Variants in MALRD1 observed in about 807,000 individuals in gnomAD.
MALRD1 encodes the protein MAM and LDL-receptor class A domain-containing protein 1.
In MALRD1, 247 loss-of-function variants were observed where a neutral mutation model predicts 242.1. The observed-to-expected ratio is 1.02, with a 90% CI of 0.92 to 1.13. The LOEUF (loss-of-function observed/expected upper bound fraction) is 1.13, where lower values mean the gene tolerates loss of function less well. MALRD1 is among the 50% of genes most tolerant of loss of function. MALRD1 has a pLI of 0.00. For missense variants in MALRD1, 2,989 were observed against 2,533.1 expected (o/e 1.18, Z -3.86); for synonymous variants, 995 against 866.6 (o/e 1.15, Z -2.60).
intron 12 of MALRD1, among the ~76,000 whole-genome samples, chr10:19,158,157 A>T (rs142629675): frequency 6.6e-6 from 1 of 152,336 alleles, no homozygotes; most frequent in East Asian, 1.9e-4. Context: ...TAAAGTATGA[A>T]GGGGATTAAT....
intron 18 of MALRD1, among the ~76,000 whole-genome samples, chr10:19,246,567 T>C (rs759194384): frequency 5.9e-5 from 9 of 152,132 alleles, no homozygotes; most frequent in Admixed American, 1.3e-4. Context: ...AAACTCATCC[T>C]CTTAAATAGG....
At chr10:19,471,363 A>G (rs560953593) in intron 29 of MALRD1, among the ~76,000 whole-genome samples, 6 of 151,986 alleles carry the variant, frequency 3.9e-5, no homozygotes, top group Middle Eastern at 3.4e-3. Flanking sequence ...AAATCAGGAA[A>G]TATGATGCCT....
intron 32 of MALRD1, among the ~76,000 whole-genome samples, chr10:19,557,444 T>C (rs1296367914): frequency 6.6e-6 from 1 of 152,132 alleles, no homozygotes; most frequent in Non-Finnish European, 1.5e-5. Flanking sequence ...ATGAATAATT[T>C]TGAGTTAATT....
chr10:19,453,709 C>T (rs1034746173), intron 29 of MALRD1, among the ~76,000 whole-genome samples: 1 of 151,798 alleles, frequency 6.6e-6, no homozygotes, highest in Non-Finnish European at 1.5e-5. Context: ...AACTCCAACT[C>T]TACTAAAAAT....
chr10:19,124,686 A>G lies in MALRD1; in HGVS notation c.943+16A>G. On this transcript the variant is annotated intron_variant, in intron 7 of 39. Coordinates refer to ENST00000454679, the MANE Select transcript of MALRD1 (RefSeq NM_001142308.3). ...GATGATGAAGGTAGAAAAAAAAATA[A>G]TATCTTTTATGTATTACTTTCAGAA... is the stretch of plus-strand genomic sequence containing the variant. 1 of 1,233,270 alleles carries G rather than the reference A, an allele frequency of 8.1e-7. No homozygotes were observed. Among genetic ancestry groups the G allele is most frequent in the Non-Finnish European group, 1.0e-6 (1 of 987,892 alleles). 76.4% of individuals were successfully genotyped at this position (1,233,270 alleles called of 1,614,324 possible).
intron 19 of MALRD1, among the ~76,000 whole-genome samples, chr10:19,270,416 C>T (rs1002907185): frequency 6.7e-6 from 1 of 149,028 alleles, no homozygotes; most frequent in African/African-American, 2.5e-5. Context: ...ACCAGATGAC[C>T]TAAAAACTGT....
chr10:19,538,851 G>A (rs1314937683), intron 32 of MALRD1, among the ~76,000 whole-genome samples: 3 of 151,886 alleles, frequency 2.0e-5, no homozygotes, highest in Non-Finnish European at 4.4e-5. Context: ...ATATATATGG[G>A]ATTCCGGAAA....
intron 14 of MALRD1, among the ~76,000 whole-genome samples, chr10:19,182,504 A>T (rs1374870616): frequency 6.8e-6 from 1 of 147,764 alleles, no homozygotes. Context: ...TTTTTTTTGT[A>T]TTTTTTTAGT....
chr10:19,498,108 A>T (rs16918877), intron 30 of MALRD1, among the ~76,000 whole-genome samples: 5,647 of 152,306 alleles, frequency 0.037, 207 homozygotes, highest in African/African-American at 0.093. Context: ...AGGCTATGCT[A>T]TTCAAACATC....
At chr10:19,351,863 C>A (rs1844389955) in intron 25 of MALRD1, 143 bp from the exon 26 acceptor site, 1 of 768,272 alleles carries the variant, frequency 1.3e-6, no homozygotes, top group Admixed American at 2.9e-5. Flanking sequence ...TGTTAAAGTG[C>A]AGACAGAGCA....
intron 21 of MALRD1, among the ~76,000 whole-genome samples, chr10:19,294,119 A>G (rs1481710004): frequency 6.6e-6 from 1 of 152,196 alleles, no homozygotes; most frequent in Admixed American, 6.5e-5. Flanking sequence ...ATAATAAAAT[A>G]ATAACTTTTA....
intron 28 of MALRD1, among the ~76,000 whole-genome samples, chr10:19,418,087 C>T (rs974953254): frequency 6.6e-6 from 1 of 151,972 alleles, no homozygotes. Context: ...TCGATGATCC[C>T]ATATGAATAT....
chr10:19,399,239 T>G (rs1846721126), intron 28 of MALRD1, among the ~76,000 whole-genome samples: 1 of 152,196 alleles, frequency 6.6e-6, no homozygotes, highest in Admixed American at 6.5e-5. Context: ...TAAATTTCAA[T>G]TTAACTTCTG....
intron 18 of MALRD1, among the ~76,000 whole-genome samples, chr10:19,215,407 G>C (rs7091387): frequency 6.6e-6 from 1 of 151,976 alleles, no homozygotes; most frequent in South Asian, 2.1e-4. Flanking sequence ...CACAAACAAG[G>C]TTAATTTTTT....
At chr10:19,398,381 G>A (rs1163696751) in intron 28 of MALRD1, among the ~76,000 whole-genome samples, 1 of 147,766 alleles carries the variant, frequency 6.8e-6, no homozygotes, top group African/African-American at 2.5e-5. Flanking sequence ...CTGTAATAGT[G>A]ACTTTGAAAA....
chr10:19,374,684 C>T (rs1845526509), intron 26 of MALRD1, among the ~76,000 whole-genome samples: 1 of 152,174 alleles, frequency 6.6e-6, no homozygotes, highest in East Asian at 1.9e-4. Flanking sequence ...CAGCCCTTTT[C>T]AGTTTTCACT....
intron 21 of MALRD1, among the ~76,000 whole-genome samples, chr10:19,318,577 GA>G (rs1263372122): frequency 1.4e-4 from 21 of 151,044 alleles, no homozygotes; most frequent in African/African-American, 5.1e-4. Flanking sequence ...TCTACTTGAA[GA>G]ACCAGTGACA....
chr10:19,325,538 G>T (rs16918493), intron 22 of MALRD1, among the ~76,000 whole-genome samples: 2 of 151,840 alleles, frequency 1.3e-5, no homozygotes, highest in African/African-American at 2.4e-5. Context: ...AATGCATAAA[G>T]TTCGTGAGTA....
rs541434864 is a variant in MALRD1, at chr10:19,235,264, G to C, written c.2992-22420G>C. ...ATACAGACACTTCCTCTTGTCTACA[G>C]CCCTGCTGGCATCTGTTGTATTTTG... On this transcript the variant is annotated intron_variant, in intron 18 of 39. Coordinates refer to ENST00000454679, the MANE Select transcript of MALRD1 (RefSeq NM_001142308.3). Among the ~76,000 whole-genome samples, 3 of 152,180 alleles carry C rather than the reference G, an allele frequency of 2.0e-5. No homozygotes were observed. The South Asian group carries it at 6.2e-4, about 32-fold the overall frequency.
Sources: allele counts gnomAD v4.1 joint callset (sites outside exome capture counted in the v4.1 genomes callset), GRCh38; gene constraint gnomAD v4.1.1; transcripts MANE v1.5; gene names NCBI Gene and HGNC (gene_info 2026-07-23, HGNC 2026-07-21).